Variants in ATP10B observed in about 807,000 individuals in gnomAD.
ATP10B encodes phospholipid-transporting ATPase VB.
In ATP10B, 122 loss-of-function variants were observed where a neutral mutation model predicts 141.2. The observed-to-expected ratio is 0.86, with a 90% CI of 0.75 to 1.00. ATP10B has a LOEUF of 1.00. ATP10B is among the 50% of genes least tolerant of loss of function. The pLI, the probability that ATP10B is intolerant of heterozygous loss-of-function variation, is 0.00. For synonymous variants in ATP10B, 685 were observed against 692.0 expected (o/e 0.99, Z 0.16); for missense variants, 1,876 against 1,825.3 (o/e 1.03, Z -0.51).
chr5:160,635,113 T>A (rs565709930), intron 11 of ATP10B, among the ~76,000 whole-genome samples: 1 of 149,798 alleles, frequency 6.7e-6, no homozygotes, highest in African/African-American at 2.4e-5. Context: ...AATAAATATA[T>A]ATGAGTGGTG....
the ATP10B span, among the ~76,000 whole-genome samples, chr5:160,861,715 T>A: frequency 6.6e-6 from 1 of 151,974 alleles, no homozygotes; most frequent in Non-Finnish European, 1.5e-5. Context: ...TCCCTCTATT[T>A]GTATAGGATA....
At chr5:160,908,451 G>T in the ATP10B span, among the ~76,000 whole-genome samples, 1 of 152,204 alleles carries the variant, frequency 6.6e-6, no homozygotes, top group Admixed American at 6.5e-5. Context: ...AACTATGAAA[G>T]ACCTGATTTC....
At chr5:160,842,294 T>C (rs1471727554) in intron 1 of ATP10B, among the ~76,000 whole-genome samples, 1 of 152,114 alleles carries the variant, frequency 6.6e-6, no homozygotes, top group African/African-American at 2.4e-5. Context: ...TGAAAATGAA[T>C]ATACGGCATA....
At chr5:160,806,077 G>T (rs1320536887) in intron 1 of ATP10B, among the ~76,000 whole-genome samples, 1 of 152,084 alleles carries the variant, frequency 6.6e-6, no homozygotes, top group Non-Finnish European at 1.5e-5. Context: ...GTTCTCTTTT[G>T]GTCCTCAACA....
intron 1 of ATP10B, among the ~76,000 whole-genome samples, chr5:160,812,385 A>G (rs1171199815): frequency 6.6e-6 from 1 of 152,234 alleles, no homozygotes; most frequent in Non-Finnish European, 1.5e-5. Flanking sequence ...ACTGGAAAAC[A>G]TGACCTCACT....
chr5:160,828,039 C>T (rs1479628014), intron 1 of ATP10B, among the ~76,000 whole-genome samples: 1 of 152,152 alleles, frequency 6.6e-6, no homozygotes, highest in Non-Finnish European at 1.5e-5. Context: ...CCCTTCCTTA[C>T]ACCTTATACA....
chr5:160,833,140 A>G lies in ATP10B; in HGVS notation c.-576+18801T>C, dbSNP rs140992125. Among the ~76,000 whole-genome samples the G allele has an allele frequency of 6.0e-3, 917 of 152,312 alleles. 13 individuals carry two copies. The highest frequency in any genetic ancestry group is 0.021 in the African/African-American group (873 of 41,576). Reference sequence around the variant, plus strand: ...GATGGAGAGATTTAACAAGGCATAGAAAACTGTTTACAGAACTAGAGAGCA... The same window carrying G: ...GATGGAGAGATTTAACAAGGCATAGGAAACTGTTTACAGAACTAGAGAGCA... On this transcript the variant is annotated intron_variant, in intron 1 of 25. Transcript: ENST00000327245.
intron 2 of ATP10B, among the ~76,000 whole-genome samples, chr5:160,782,804 A>G (rs987276523): frequency 3.9e-5 from 6 of 152,104 alleles, no homozygotes; most frequent in Non-Finnish European, 1.5e-5. Context: ...ACACACACAC[A>G]CAAACTACAA....
At chr5:160,888,225 G>A in the ATP10B span, among the ~76,000 whole-genome samples, 2 of 152,106 alleles carry the variant, frequency 1.3e-5, no homozygotes, top group Middle Eastern at 3.2e-3. Flanking sequence ...CTAATTAGAG[G>A]ATAAAATAAA....
the ATP10B span, among the ~76,000 whole-genome samples, chr5:160,860,326 A>C: frequency 2.6e-5 from 4 of 151,986 alleles, no homozygotes; most frequent in Non-Finnish European, 5.9e-5. Flanking sequence ...ACTATACAGA[A>C]TTAGAGAATA....
chr5:160,766,161 T>TA (rs34154684), intron 2 of ATP10B, among the ~76,000 whole-genome samples: 101,242 of 151,952 alleles, frequency 0.67, 33,978 homozygotes, highest in African/African-American at 0.74. Flanking sequence ...CTTAAAGAAC[T>TA]AAAGTAGAAC....
At chr5:160,847,148 TTCTC>T (rs1209203095) in intron 1 of ATP10B, among the ~76,000 whole-genome samples, 1 of 152,174 alleles carries the variant, frequency 6.6e-6, no homozygotes, top group African/African-American at 2.4e-5. Context: ...TGCAAGCACA[TTCTC>T]TCTGTCTTAC....
chr5:160,880,371 C>T, the ATP10B span, among the ~76,000 whole-genome samples: 3 of 151,716 alleles, frequency 2.0e-5, no homozygotes, highest in African/African-American at 7.3e-5. Context: ...TCAGTTCTTC[C>T]AAACTTGATC....
chr5:160,880,302 GA>G, the ATP10B span, among the ~76,000 whole-genome samples: 1 of 147,708 alleles, frequency 6.8e-6, no homozygotes, highest in Non-Finnish European at 1.5e-5. Context: ...GAAATCAAAG[GA>G]AAAATCAAAT....
intron 2 of ATP10B, among the ~76,000 whole-genome samples, chr5:160,732,837 G>C (rs918197133): frequency 6.6e-6 from 1 of 152,218 alleles, no homozygotes; most frequent in East Asian, 1.9e-4. Flanking sequence ...TATGAAGAAT[G>C]TCATTGTTTT....
the ATP10B span, among the ~76,000 whole-genome samples, chr5:160,919,487 C>T: frequency 6.6e-6 from 1 of 152,044 alleles, no homozygotes; most frequent in Non-Finnish European, 1.5e-5. Flanking sequence ...TGGGAGGAGT[C>T]GCTAGCAGCC....
intron 22 of ATP10B, among the ~76,000 whole-genome samples, chr5:160,596,841 G>A (rs534955242): frequency 3.9e-5 from 6 of 152,304 alleles, no homozygotes; most frequent in South Asian, 2.1e-4. Context: ...TACAAGGGAC[G>A]TGAAGGACCT....
At chr5:160,756,422 T>C (rs531185979) in intron 2 of ATP10B, among the ~76,000 whole-genome samples, 12 of 152,344 alleles carry the variant, frequency 7.9e-5, no homozygotes, top group African/African-American at 2.9e-4. Context: ...ATAGTAGGTA[T>C]ATGTTTAACT....
chr5:160,690,973 T>C (rs935267761), intron 3 of ATP10B, among the ~76,000 whole-genome samples: 2 of 152,184 alleles, frequency 1.3e-5, no homozygotes, highest in Admixed American at 1.3e-4. Flanking sequence ...CCATTAATGA[T>C]AGACTGGATA....
Sources: allele counts gnomAD v4.1 joint callset (sites outside exome capture counted in the v4.1 genomes callset), GRCh38; gene constraint gnomAD v4.1.1; transcripts MANE v1.5; gene names NCBI Gene and HGNC (gene_info 2026-07-23, HGNC 2026-07-21).